Variants in TENM2 observed in about 807,000 individuals in gnomAD.
TENM2 encodes the protein teneurin-2.
In TENM2, 52 loss-of-function variants were observed where a neutral mutation model predicts 245.2. The ratio of observed to expected loss-of-function variants is 0.21; its 90% CI spans 0.17 to 0.27. The LOEUF is 0.27. Ranked by LOEUF, TENM2 falls within the 10% of genes least tolerant of loss-of-function variation. TENM2 has a pLI of 1.00. For synonymous variants in TENM2, 1,363 were observed against 1,438.9 expected (o/e 0.95, Z 1.19); for missense variants, 3,046 against 3,666.8 (o/e 0.83, Z 4.37).
At chr5:167,558,593 C>A (rs1773397302) in intron 2 of TENM2, among the ~76,000 whole-genome samples, 1 of 152,118 alleles carries the variant, frequency 6.6e-6, no homozygotes, top group African/African-American at 2.4e-5. Flanking sequence ...TGCATGGGAT[C>A]TAGGTTGTGC....
intron 2 of TENM2, among the ~76,000 whole-genome samples, chr5:167,775,888 G>A (rs1433260891): frequency 6.6e-6 from 1 of 152,114 alleles, no homozygotes; most frequent in Non-Finnish European, 1.5e-5. Context: ...GTATCATGGT[G>A]ACTGGCAGCT....
chr5:167,576,545 TATA>T (rs1357240575), intron 2 of TENM2, among the ~76,000 whole-genome samples: 2 of 152,242 alleles, frequency 1.3e-5, no homozygotes, highest in African/African-American at 4.8e-5. Context: ...AGTCCCTATA[TATA>T]ATGTCTGTTT....
intron 1 of TENM2, among the ~76,000 whole-genome samples, chr5:167,320,007 T>G (rs1756614501): frequency 6.6e-6 from 1 of 152,202 alleles, no homozygotes; most frequent in African/African-American, 2.4e-5. Context: ...TGTTGAACAC[T>G]TATGACACTT....
intron 12 of TENM2, among the ~76,000 whole-genome samples, chr5:168,128,193 A>G (rs973223163): frequency 2.6e-5 from 4 of 152,144 alleles, no homozygotes; most frequent in African/African-American, 9.7e-5. Flanking sequence ...TTGGCAGTGA[A>G]TTGTTTTTGC....
At chr5:168,113,913 G>C (rs781759545) in intron 9 of TENM2, among the ~76,000 whole-genome samples, 2 of 152,142 alleles carry the variant, frequency 1.3e-5, no homozygotes, top group Non-Finnish European at 2.9e-5. Context: ...GACAGAAAAC[G>C]CTCCACTTTC....
chr5:167,435,017 G>A (rs1289003680), intron 2 of TENM2, among the ~76,000 whole-genome samples: 1 of 152,196 alleles, frequency 6.6e-6, no homozygotes, highest in African/African-American at 2.4e-5. Flanking sequence ...AGTAGTTGAT[G>A]CCAACGTAGT....
chr5:167,023,944 A>G, the TENM2 span, among the ~76,000 whole-genome samples: 1 of 152,232 alleles, frequency 6.6e-6, no homozygotes, highest in Non-Finnish European at 1.5e-5. Context: ...TTGCTAATGG[A>G]AACTACCATC....
chr5:168,242,175 CCAA>C (rs1391287153), intron 25 of TENM2, among the ~76,000 whole-genome samples: 3 of 152,202 alleles, frequency 2.0e-5, no homozygotes, highest in African/African-American at 7.2e-5. Flanking sequence ...AGAAGACCAG[CCAA>C]CAACAACCAC....
chr5:167,730,528 G>A (rs899053198), intron 2 of TENM2, among the ~76,000 whole-genome samples: 7 of 152,018 alleles, frequency 4.6e-5, no homozygotes, highest in Non-Finnish European at 1.0e-4. Context: ...ATGATAAAGT[G>A]CTCCTTTATT....
At chr5:168,056,874 A>G (rs772826287) in intron 6 of TENM2, among the ~76,000 whole-genome samples, 5 of 152,208 alleles carry the variant, frequency 3.3e-5, no homozygotes, top group Non-Finnish European at 7.3e-5. Context: ...ATATAGTAAC[A>G]TGCTGTACAT....
At chr5:167,486,438 C>T (rs1768081674) in intron 2 of TENM2, among the ~76,000 whole-genome samples, 1 of 151,574 alleles carries the variant, frequency 6.6e-6, no homozygotes, top group Admixed American at 6.6e-5. Context: ...ACGCCATTCT[C>T]CTGCCTCAGC....
chr5:167,817,096 A>G (rs946637711), intron 2 of TENM2, among the ~76,000 whole-genome samples: 1 of 152,212 alleles, frequency 6.6e-6, no homozygotes, highest in Non-Finnish European at 1.5e-5. Flanking sequence ...ATGATGCAAC[A>G]TATCATATTT....
At chr5:167,182,888 TA>T in the TENM2 span, among the ~76,000 whole-genome samples, 1 of 152,174 alleles carries the variant, frequency 6.6e-6, no homozygotes, top group Non-Finnish European at 1.5e-5. Context: ...CTATTAATAT[TA>T]ATGCATTTTT....
At chr5:166,982,854 A>C in the TENM2 span, among the ~76,000 whole-genome samples, 215 of 152,006 alleles carry the variant, frequency 1.4e-3, no homozygotes, top group African/African-American at 5.0e-3. Flanking sequence ...GCAGTATTTG[A>C]TTAAGCATGA....
At chr5:167,294,261 G>C (rs1561841853) in intron 1 of TENM2, 1 of 152,148 alleles carries the variant, frequency 6.6e-6, no homozygotes, top group Non-Finnish European at 1.5e-5. Flanking sequence ...CTTTTGAATT[G>C]GAGGTATCCT....
At chr5:167,386,401 G>T (rs1304445299) in intron 2 of TENM2, among the ~76,000 whole-genome samples, 1 of 152,018 alleles carries the variant, frequency 6.6e-6, no homozygotes, top group Non-Finnish European at 1.5e-5. Context: ...GTTTATTGTA[G>T]ATTCTGGTTG....
At chr5:167,627,125 G>A (rs1178525626) in intron 2 of TENM2, among the ~76,000 whole-genome samples, 1 of 152,172 alleles carries the variant, frequency 6.6e-6, no homozygotes, top group Non-Finnish European at 1.5e-5. Context: ...GTGGAATGGA[G>A]GGGAGGACTG....
chr5:167,579,738 G>A (rs1192051555), intron 2 of TENM2, among the ~76,000 whole-genome samples: 1 of 152,116 alleles, frequency 6.6e-6, no homozygotes, highest in Non-Finnish European at 1.5e-5. Flanking sequence ...GAGCCTGATG[G>A]TCAAAGACAG....
intron 2 of TENM2, among the ~76,000 whole-genome samples, chr5:167,708,415 CCTTT>C (rs1289859783): frequency 6.6e-6 from 1 of 152,128 alleles, no homozygotes; most frequent in Admixed American, 6.5e-5. Context: ...CAAATTATTC[CCTTT>C]CTTCTCAGGC....
Sources: allele counts gnomAD v4.1 joint callset (sites outside exome capture counted in the v4.1 genomes callset), GRCh38; gene constraint gnomAD v4.1.1; transcripts MANE v1.5; gene names NCBI Gene and HGNC (gene_info 2026-07-23, HGNC 2026-07-21).